Variants in TMEM192 observed in about 807,000 individuals in gnomAD.
The protein encoded by TMEM192 is transmembrane protein 192.
A neutral mutation model predicts 26.7 loss-of-function variants in TMEM192; 20 were observed. The ratio of observed to expected loss-of-function variants is 0.75; its 90% CI spans 0.53 to 1.09. TMEM192 has a LOEUF of 1.09. TMEM192 is among the 50% of genes least tolerant of loss of function. The pLI, the probability that TMEM192 is intolerant of heterozygous loss-of-function variation, is 0.00. For synonymous variants in TMEM192, 124 were observed against 121.0 expected, an observed-to-expected ratio of 1.02 and a Z score of -0.16; for missense variants, 304 against 322.6, an observed-to-expected ratio of 0.94 and a Z score of 0.44.
At chr4:165,107,532 T>A (rs1334383161) in intron 1 of TMEM192, among the ~76,000 whole-genome samples, 3 of 151,282 alleles carry the variant, frequency 2.0e-5, no homozygotes, top group African/African-American at 7.3e-5. Context: ...TTAGTAAAGG[T>A]GAGATTTCAC....
chr4:165,085,427 C>T (rs1397661614), intron 5 of TMEM192, among the ~76,000 whole-genome samples, 159 bp downstream of exon 5: 1 of 152,272 alleles, frequency 6.6e-6, no homozygotes, highest in East Asian at 1.9e-4. Context: ...TACATTTACA[C>T]ATCCTGATTT....
At chr4:165,086,672 G>A (rs974109949) in intron 4 of TMEM192, among the ~76,000 whole-genome samples, 4 of 151,470 alleles carry the variant, frequency 2.6e-5, no homozygotes, top group African/African-American at 4.8e-5. Flanking sequence ...TGATCCACCC[G>A]CTGAGGCCTC....
At position 165,079,712 on chromosome 4, in the gene TMEM192, C is replaced by G. The variant is rs1166232362; in HGVS notation, c.762G>C (p.Lys254Asn). The G allele has an allele frequency of 1.9e-5, 31 of 1,614,042 alleles. No individual in the cohort carries two copies. Among genetic ancestry groups the G allele is most frequent in the Non-Finnish European group, 2.5e-5 (30 of 1,179,960 alleles). The change falls in exon 6 of 6, where the codon AAG becomes AAC. Residue 254 changes from lysine to asparagine, a missense_variant. By Grantham distance (94) the Lys-to-Asn change is moderately conservative (BLOSUM62 0). Transcript: ENST00000306480. ...YLKRHNALLS[K>N]RLLALTSSDL... is the part of the protein sequence containing the mutation. ...CTGAGGAAGTGAGAGCCAACAATCG[C>G]TTACTCAGCAGCGCATTGTGTCGCT...
chr4:165,080,860 G>A (rs546754464), intron 5 of TMEM192, among the ~76,000 whole-genome samples: 47 of 151,924 alleles, frequency 3.1e-4, no homozygotes, highest in South Asian at 1.0e-3. Flanking sequence ...GATTACAGGC[G>A]CCTGCCACCA....
chr4:165,072,816 T>C lies in TMEM192; in HGVS notation c.*6842A>G, dbSNP rs546051642. ...GTTCTGTTTGAGGTGTTTTTTTATA[T>C]ACCCAAGTAGTGATCTAGAAGGGGC... On this transcript the variant is annotated 3_prime_UTR_variant, in exon 6 of 6. Transcript: ENST00000306480. The C allele has an allele frequency of 8.5e-5, 13 of 152,196 alleles. No individual in the cohort carries two copies. Among genetic ancestry groups the C allele is most frequent in the Admixed American group, 5.2e-4 (8 of 15,252 alleles). 9.4% of individuals were successfully genotyped at this position (152,196 alleles called of 1,614,324 possible). A position where few individuals can be genotyped will look rare whatever the true frequency, so the allele number is the denominator to read the frequency against.
intron 3 of TMEM192, among the ~76,000 whole-genome samples, chr4:165,090,929 A>AAAAAAAAAAAG (rs1734745806): frequency 1.3e-5 from 2 of 148,334 alleles, no homozygotes; most frequent in Admixed American, 6.8e-5. Context: ...AAAAAAAAAA[A>AAAAAAAAAAAG]GGTCATAGAA....
chr4:165,085,806 T>C (rs543449909), intron 4 of TMEM192, 118 bp from the exon 5 acceptor site: 12 of 689,840 alleles, frequency 1.7e-5, no homozygotes, highest in South Asian at 5.7e-5. Flanking sequence ...AATTCTACTA[T>C]GTGCCAGGCC....
chr4:165,105,031 C>T (rs1213150659), intron 1 of TMEM192, among the ~76,000 whole-genome samples: 1 of 152,188 alleles, frequency 6.6e-6, no homozygotes, highest in Non-Finnish European at 1.5e-5. Flanking sequence ...ATTCCCACCA[C>T]AGGGCCTTTC....
chr4:165,101,602 A>C (rs1404094989), intron 2 of TMEM192, among the ~76,000 whole-genome samples: 1 of 152,196 alleles, frequency 6.6e-6, no homozygotes, highest in East Asian at 1.9e-4. Context: ...ATGTTACACA[A>C]AAAGTAAAAG....
chr4:165,088,447 C>G (rs1053441825), intron 4 of TMEM192, 21 bp downstream of exon 4: 1 of 1,605,764 alleles, frequency 6.2e-7, no homozygotes, highest in African/African-American at 1.3e-5. Flanking sequence ...CCTATAAGAA[C>G]AGGCTCGTTG....
At chr4:165,111,957 C>T (rs1273433103) in intron 1 of TMEM192, among the ~76,000 whole-genome samples, 1 of 152,216 alleles carries the variant, frequency 6.6e-6, no homozygotes, top group East Asian at 1.9e-4. Flanking sequence ...CCAGTTAACT[C>T]TCAGCATACA....
At position 165,079,640 on chromosome 4, in the gene TMEM192, G is replaced by A. The variant is rs775026124; in HGVS notation, c.*18C>T. 15 of 1,601,228 alleles carry A rather than the reference G, an allele frequency of 9.4e-6. No individual in the cohort carries two copies. The highest frequency in any genetic ancestry group is 8.5e-7 in the Non-Finnish European group (1 of 1,173,008). Reference sequence around the variant, plus strand: ...TACTCTGGGTTCCTCTGCAATTGCTGTCATGACCGTGAGCCTCTCACGTTC... The same window carrying A: ...TACTCTGGGTTCCTCTGCAATTGCTATCATGACCGTGAGCCTCTCACGTTC... On this transcript the variant is annotated 3_prime_UTR_variant, in exon 6 of 6. Transcript: ENST00000306480.
intron 3 of TMEM192, among the ~76,000 whole-genome samples, chr4:165,090,942 C>T (rs1168817283): frequency 2.5e-5 from 3 of 121,612 alleles, no homozygotes; most frequent in Non-Finnish European, 3.4e-5. Context: ...TCATAGAAAC[C>T]CTAGTATATA....
intron 2 of TMEM192, 75 bp from the exon 3 acceptor site, chr4:165,100,967 C>CATT: frequency 4.0e-6 from 3 of 753,736 alleles, no homozygotes; most frequent in Non-Finnish European, 6.0e-6. Context: ...TCCCAGCATA[C>CATT]ATTCTTTTTT....
rs1485344969 is a variant in TMEM192 at position 165,100,740 on chromosome 4, G to A, written c.327C>T (p.Leu109=). Residue 109 remains leucine (L), a synonymous_variant, in exon 3 of 6, where the codon CTC becomes CTT. Coordinates refer to ENST00000306480, the MANE Select transcript of TMEM192 (RefSeq NM_001100389.2). ...GKVILWILHL[L]LECYIQYHHS... is the part of the protein sequence containing the mutation. ...GGTGATACTGGATGTAGCATTCAAG[G>A]AGTAAATGGAGAATCCACAAAATAA... 2 of 1,614,002 alleles carry A rather than the reference G, an allele frequency of 1.2e-6. No individual in the cohort carries two copies. Among genetic ancestry groups the A allele is most frequent in the Admixed American group, 1.7e-5 (1 of 59,970 alleles).
intron 1 of TMEM192, among the ~76,000 whole-genome samples, chr4:165,110,653 C>T (rs1578916920): frequency 6.6e-6 from 1 of 152,098 alleles, no homozygotes; most frequent in African/African-American, 2.4e-5. Context: ...TGCAGTGAGC[C>T]GAGATCGTAC....
intron 1 of TMEM192, among the ~76,000 whole-genome samples, chr4:165,108,681 A>C (rs1735224663): frequency 6.6e-6 from 1 of 152,076 alleles, no homozygotes; most frequent in Non-Finnish European, 1.5e-5. Flanking sequence ...GTGGTTCTTT[A>C]TGAGGCCTCC....
chr4:165,104,048 A>T (rs1262244834), intron 1 of TMEM192, among the ~76,000 whole-genome samples: 1 of 152,152 alleles, frequency 6.6e-6, no homozygotes, highest in Non-Finnish European at 1.5e-5. Context: ...ACTTGGACCC[A>T]GGAGGTGGAG....
intron 3 of TMEM192, among the ~76,000 whole-genome samples, chr4:165,096,483 G>A (rs1734906964): frequency 6.6e-6 from 1 of 151,848 alleles, no homozygotes; most frequent in Admixed American, 6.6e-5. Context: ...TCACTTGGTA[G>A]GAAAGCAAAG....
Sources: gnomAD v4.1 joint callset for allele counts (sites outside exome capture counted in the v4.1 genomes callset) on GRCh38, gnomAD v4.1.1 for gene constraint, MANE v1.5 for transcripts, NCBI Gene and HGNC (gene_info 2026-07-23, HGNC 2026-07-21) for gene names.